PTPN13: variants seen among roughly 807,000 people sequenced by gnomAD.
The protein encoded by PTPN13 is tyrosine-protein phosphatase non-receptor type 13.
Under a neutral mutation model 284.0 loss-of-function variants are expected in PTPN13, and 191 were observed. The observed-to-expected ratio is 0.67, with a 90% confidence interval of 0.60 to 0.76. The LOEUF (loss-of-function observed/expected upper bound fraction) is 0.76. Ranked by LOEUF, PTPN13 falls within the 30% of genes least tolerant of loss-of-function variation. The pLI, the probability that PTPN13 is intolerant of heterozygous loss-of-function variation, is 0.00. For missense variants in PTPN13, 2,797 were observed against 2,939.9 expected, an observed-to-expected ratio of 0.95 and a Z score of 1.12; for synonymous variants, 986 against 1,022.3, an observed-to-expected ratio of 0.96 and a Z score of 0.68.
intron 2 of PTPN13, among the ~76,000 whole-genome samples, chr4:86,636,585 T>C (rs192436595): frequency 5.1e-4 from 78 of 152,170 alleles, no homozygotes; most frequent in South Asian, 3.9e-3. Flanking sequence ...TTTTGAAAAC[T>C]TGTTAGAAAT....
intron 34 of PTPN13, 26 bp downstream of exon 34, chr4:86,775,368 A>T: frequency 6.2e-7 from 1 of 1,606,444 alleles, no homozygotes; most frequent in Non-Finnish European, 8.5e-7. Flanking sequence ...ACTTTGTACA[A>T]TATGATTTTC....
At chr4:86,703,435 G>T (rs573935660) in intron 7 of PTPN13, among the ~76,000 whole-genome samples, 2 of 147,490 alleles carry the variant, frequency 1.4e-5, no homozygotes, top group South Asian at 2.1e-4. Flanking sequence ...CTTGTCCATT[G>T]TGAAAAAAAA....
At chr4:86,770,987 G>A (rs1739927103) in intron 30 of PTPN13, among the ~76,000 whole-genome samples, 184 bp from the exon 31 acceptor site, 1 of 151,946 alleles carries the variant, frequency 6.6e-6, no homozygotes, top group Non-Finnish European at 1.5e-5. Context: ...CTAACTTAAG[G>A]TATAAATTGT....
chr4:86,796,796 T>C, intron 40 of PTPN13, 78 bp from the exon 41 acceptor site: 1 of 901,852 alleles, frequency 1.1e-6, no homozygotes, highest in Non-Finnish European at 1.7e-6. Flanking sequence ...ATATAGGAAA[T>C]AACTAACAGG....
At chr4:86,719,588 CCAA>C (rs1423858498) in intron 9 of PTPN13, among the ~76,000 whole-genome samples, 1 of 152,130 alleles carries the variant, frequency 6.6e-6, no homozygotes, top group East Asian at 1.9e-4. Context: ...ATTTGCTCTC[CCAA>C]CAGTGTGTAA....
chr4:86,612,025 G>A (rs1339705394), intron 1 of PTPN13, among the ~76,000 whole-genome samples: 1 of 152,210 alleles, frequency 6.6e-6, no homozygotes, highest in African/African-American at 2.4e-5. Flanking sequence ...AGAGCACACA[G>A]AAGAATCTTA....
chr4:86,759,781 T>C (rs1436368249), intron 23 of PTPN13, among the ~76,000 whole-genome samples: 2 of 152,298 alleles, frequency 1.3e-5, no homozygotes, highest in Non-Finnish European at 2.9e-5. Context: ...GCTTATCTTA[T>C]AGATTATGAA....
At chr4:86,621,636 G>A (rs1020151740) in intron 1 of PTPN13, among the ~76,000 whole-genome samples, 9 of 152,132 alleles carry the variant, frequency 5.9e-5, no homozygotes, top group Non-Finnish European at 1.0e-4. Context: ...TGATGTGTTA[G>A]ATTACTGGGT....
chr4:86,700,537 A>G (rs1731046787), intron 6 of PTPN13, among the ~76,000 whole-genome samples: 1 of 152,140 alleles, frequency 6.6e-6, no homozygotes, highest in African/African-American at 2.4e-5. Context: ...AAGAGTTGGT[A>G]CTTTATTACA....
At chr4:86,712,375 T>C (rs963583217) in intron 7 of PTPN13, among the ~76,000 whole-genome samples, 1 of 151,480 alleles carries the variant, frequency 6.6e-6, no homozygotes, top group Non-Finnish European at 1.5e-5. Flanking sequence ...AAGAAATGTT[T>C]CTGCTCAGAT....
chr4:86,714,921 A>G (rs1455309999), intron 7 of PTPN13, among the ~76,000 whole-genome samples: 1 of 152,194 alleles, frequency 6.6e-6, no homozygotes, highest in Non-Finnish European at 1.5e-5. Context: ...GCATGAGGCA[A>G]CGTGAAAGTA....
At chr4:86,767,563 A>G (rs1739476994) in intron 27 of PTPN13, among the ~76,000 whole-genome samples, 1 of 152,142 alleles carries the variant, frequency 6.6e-6, no homozygotes, top group South Asian at 2.1e-4. Context: ...TACATTTCTA[A>G]CATGTATTAT....
At chr4:86,641,634 A>G (rs1357800299) in intron 2 of PTPN13, among the ~76,000 whole-genome samples, 1 of 152,208 alleles carries the variant, frequency 6.6e-6, no homozygotes. Context: ...AGGAGGGAAA[A>G]TGTAAAACTT....
chr4:86,629,955 C>T (rs967728201), intron 1 of PTPN13, among the ~76,000 whole-genome samples: 9 of 151,934 alleles, frequency 5.9e-5, no homozygotes, highest in South Asian at 2.1e-4. Flanking sequence ...TATATAGAGA[C>T]GAGGTATCGC....
chr4:86,771,843 G>T (rs1480250073), intron 31 of PTPN13, among the ~76,000 whole-genome samples: 1 of 152,150 alleles, frequency 6.6e-6, no homozygotes, highest in East Asian at 1.9e-4. Flanking sequence ...ACTTATTTAG[G>T]CAGTAACACA....
At chr4:86,757,797 T>A (rs1374581734) in intron 20 of PTPN13, among the ~76,000 whole-genome samples, 1 of 148,426 alleles carries the variant, frequency 6.7e-6, no homozygotes, top group Non-Finnish European at 1.5e-5. Flanking sequence ...CCTCTTGCTA[T>A]TTTACTCAAG....
In PTPN13 at chr4:86,758,317, T is replaced by C. The variant is rs1367305416; in HGVS notation, c.3281T>C (p.Val1094Ala). The C allele has an allele frequency of 1.9e-6, 3 of 1,612,082 alleles. No homozygotes were observed. Among genetic ancestry groups the C allele is most frequent in the Non-Finnish European group, 1.7e-6 (2 of 1,178,844 alleles). ...VSSPEREITL[V>A]NLKKDAKYGL... ...TCACCAGAAAGGGAGATCACCTTAGTGAACCTGAAAAAAGATGCAAAGTAT... is the reference window on the plus strand; with the variant it reads ...TCACCAGAAAGGGAGATCACCTTAGCGAACCTGAAAAAAGATGCAAAGTAT... Residue 1094 changes from valine to alanine, a missense_variant, in exon 21 of 48, where the codon GTG becomes GCG. By Grantham distance (64) the Val-to-Ala change is moderately conservative. Transcript: ENST00000411767.
intron 47 of PTPN13, among the ~76,000 whole-genome samples, chr4:86,811,791 C>A (rs1351138963): frequency 6.6e-6 from 1 of 152,214 alleles, no homozygotes; most frequent in Non-Finnish European, 1.5e-5. Context: ...TTCTCTACCT[C>A]TTGAAAAATA....
chr4:86,641,171 T>C (rs1723737319), intron 2 of PTPN13, among the ~76,000 whole-genome samples: 1 of 152,176 alleles, frequency 6.6e-6, no homozygotes, highest in African/African-American at 2.4e-5. Flanking sequence ...ATTGAAATAA[T>C]TATTAGTTTT....
Sources: gnomAD v4.1 joint callset for allele counts (sites outside exome capture counted in the v4.1 genomes callset) on GRCh38, gnomAD v4.1.1 for gene constraint, MANE v1.5 for transcripts, NCBI Gene and HGNC (gene_info 2026-07-23, HGNC 2026-07-21) for gene names.